NTRK3: variants seen among roughly 807,000 people sequenced by gnomAD.
NTRK3 encodes the protein neurotrophic receptor tyrosine kinase 3, also known as NT-3 growth factor receptor.
Under a neutral mutation model 91.7 loss-of-function variants are expected in NTRK3, and 24 were observed. That is an observed-to-expected ratio of 0.26 (90% CI 0.19 to 0.37). The LOEUF is 0.37. Ranked by LOEUF, NTRK3 falls within the 10% of genes least tolerant of loss-of-function variation. The pLI is 1.00. For missense variants in NTRK3, 880 were observed against 1,068.9 expected (o/e 0.82, Z 2.46); for synonymous variants, 483 against 404.0 (o/e 1.20, Z -2.34).
At chr15:88,159,943 T>TACACACACACACACACACACACAC (rs59254719) in intron 5 of NTRK3, among the ~76,000 whole-genome samples, 2 of 111,968 alleles carry the variant, frequency 1.8e-5, no homozygotes, top group Non-Finnish European at 3.7e-5. Context: ...CCCAGCCTCC[T>TACACACACACACACACACACACAC]ACACACACAC....
At chr15:87,905,124 A>G (rs1484079457) in intron 17 of NTRK3, among the ~76,000 whole-genome samples, 1 of 152,236 alleles carries the variant, frequency 6.6e-6, no homozygotes, top group African/African-American at 2.4e-5. Flanking sequence ...GATGGTAACA[A>G]TGTAATGAAA....
In NTRK3 at chr15:88,140,793, G is replaced by GC. The variant is rs374438697; in HGVS notation, c.465-3233dup. Among the ~76,000 whole-genome samples, 33 of 152,126 alleles carry GC rather than the reference G, an allele frequency of 2.2e-4. No individual in the cohort carries two copies. The East Asian group carries it at 2.5e-3, about 12-fold the overall frequency. ...CATTGTCTCCTGAAAAGGTCTTAGG[G>GC]CCCCCCCAGGACACCCTGGACCACC... On this transcript the variant is annotated intron_variant, in intron 6 of 18. Transcript: ENST00000394480.
chr15:88,070,725 G>A (rs912056148), intron 13 of NTRK3, among the ~76,000 whole-genome samples: 11 of 151,980 alleles, frequency 7.2e-5, no homozygotes, highest in African/African-American at 2.2e-4. Context: ...AGGTCTGCAG[G>A]GAAGCCTGGT....
chr15:88,024,624 C>T (rs992306894), intron 14 of NTRK3, among the ~76,000 whole-genome samples: 1 of 152,242 alleles, frequency 6.6e-6, no homozygotes, highest in South Asian at 2.1e-4. Context: ...AAGGGGTGAC[C>T]AGCCAGGAGC....
At chr15:87,948,628 T>C (rs992882484) in intron 14 of NTRK3, among the ~76,000 whole-genome samples, 5 of 152,112 alleles carry the variant, frequency 3.3e-5, no homozygotes, top group African/African-American at 7.2e-5. Context: ...GCGGAGATTG[T>C]GGTGAGCTGA....
chr15:88,121,028 C>A (rs1350705982), intron 13 of NTRK3, among the ~76,000 whole-genome samples: 1 of 152,150 alleles, frequency 6.6e-6, no homozygotes, highest in African/African-American at 2.4e-5. Context: ...CACAGTATCT[C>A]TGATCTAGAA....
chr15:87,923,675 T>A (rs1385001954), intron 17 of NTRK3, among the ~76,000 whole-genome samples: 2 of 152,216 alleles, frequency 1.3e-5, no homozygotes, highest in African/African-American at 4.8e-5. Flanking sequence ...GCTCCAATAA[T>A]TGCTAGGGTT....
At chr15:87,933,767 T>C (rs1006129377) in intron 15 of NTRK3, among the ~76,000 whole-genome samples, 4 of 152,162 alleles carry the variant, frequency 2.6e-5, no homozygotes, top group African/African-American at 9.7e-5. Context: ...GTTCTCCCAA[T>C]AGGGGTTTGG....
intron 13 of NTRK3, among the ~76,000 whole-genome samples, chr15:88,082,662 T>C (rs774240877): frequency 2.0e-5 from 3 of 152,244 alleles, no homozygotes; most frequent in Non-Finnish European, 4.4e-5. Context: ...CATGAGACAC[T>C]TATTAATTTT....
intron 13 of NTRK3, among the ~76,000 whole-genome samples, chr15:88,056,802 G>C (rs2045735161): frequency 6.6e-6 from 1 of 152,196 alleles, no homozygotes; most frequent in Non-Finnish European, 1.5e-5. Context: ...GGTTGGCTTA[G>C]GGTTGTGACA....
chr15:88,135,841 G>GCCT, intron 9 of NTRK3, 58 bp downstream of exon 9: 1 of 1,603,076 alleles, frequency 6.2e-7, no homozygotes. Context: ...CCCCTCTCCA[G>GCCT]CCTCCTATGC....
chr15:88,124,929 G>C (rs1482844582), intron 13 of NTRK3, among the ~76,000 whole-genome samples: 3 of 152,234 alleles, frequency 2.0e-5, no homozygotes, highest in South Asian at 2.1e-4. Flanking sequence ...CAAGAGCAGA[G>C]AGTGCAAAGG....
chr15:88,057,195 A>T (rs2045789325), intron 13 of NTRK3, among the ~76,000 whole-genome samples: 1 of 150,144 alleles, frequency 6.7e-6, no homozygotes, highest in Non-Finnish European at 1.5e-5. Flanking sequence ...AAAAAAAGAA[A>T]AAAAGAAATG....
intron 17 of NTRK3, among the ~76,000 whole-genome samples, chr15:87,889,485 A>G (rs2141554998): frequency 6.9e-6 from 1 of 145,926 alleles, no homozygotes; most frequent in South Asian, 2.2e-4. Context: ...GCTCACTGCA[A>G]CCTCCACCTC....
chr15:88,197,094 CAAAAAAAAAAAAAA>C (rs59553739), intron 3 of NTRK3, among the ~76,000 whole-genome samples: 297 of 56,580 alleles, frequency 5.2e-3, no homozygotes, highest in South Asian at 0.028. Flanking sequence ...TTGAGCAGGA[CAAAAAAAAAAAAAA>C]AAAAAAAAAA....
chr15:88,231,220 C>T (rs560452446), intron 3 of NTRK3, among the ~76,000 whole-genome samples: 1 of 152,288 alleles, frequency 6.6e-6, no homozygotes, highest in East Asian at 1.9e-4. Flanking sequence ...TTTTATTCCA[C>T]CTTAACACCT....
chr15:88,172,652 A>G (rs1168391560), intron 5 of NTRK3, among the ~76,000 whole-genome samples: 1 of 152,256 alleles, frequency 6.6e-6, no homozygotes, highest in Non-Finnish European at 1.5e-5. Flanking sequence ...GTTTTCGACT[A>G]AGAATTTCAA....
chr15:88,003,719 G>C (rs1344537097), intron 14 of NTRK3, among the ~76,000 whole-genome samples: 1 of 152,004 alleles, frequency 6.6e-6, no homozygotes, highest in Non-Finnish European at 1.5e-5. Context: ...TATAACATAT[G>C]GAGGAACAAA....
intron 13 of NTRK3, among the ~76,000 whole-genome samples, chr15:88,043,525 T>C (rs1257693299): frequency 2.0e-5 from 3 of 152,150 alleles, no homozygotes; most frequent in East Asian, 1.9e-4. Flanking sequence ...GGGGCTGCCA[T>C]GTTGAACTGC....
Sources: allele counts gnomAD v4.1 joint callset (sites outside exome capture counted in the v4.1 genomes callset), GRCh38; gene constraint gnomAD v4.1.1; transcripts MANE v1.5; gene names NCBI Gene and HGNC (gene_info 2026-07-23, HGNC 2026-07-21).